Variants in MAST4 observed in about 807,000 individuals in gnomAD.
MAST4 encodes microtubule associated serine/threonine kinase family member 4.
MAST4 carries 89 observed loss-of-function variants against 162.7 expected under a neutral mutation model. That is an observed-to-expected ratio of 0.55 (90% confidence interval 0.46 to 0.65). The LOEUF is 0.65. Among genes scored for constraint, MAST4 ranks in the 30% least tolerant of loss-of-function variants. MAST4 has a pLI of 0.00. For missense variants in MAST4, 3,153 were observed against 3,374.0 expected (o/e 0.93, Z 1.62); for synonymous variants, 1,479 against 1,361.1 (o/e 1.09, Z -1.91).
chr5:66,816,961 T>G (rs1048944995), intron 3 of MAST4, among the ~76,000 whole-genome samples: 1 of 152,182 alleles, frequency 6.6e-6, no homozygotes, highest in African/African-American at 2.4e-5. Context: ...AACTACTGTT[T>G]TGGACTCTGT....
chr5:66,930,859 A>T (rs1742116871), intron 4 of MAST4: 2 of 462,864 alleles, frequency 4.3e-6, no homozygotes, highest in Non-Finnish European at 8.9e-6. Context: ...GCAGAGATGG[A>T]TAGAATTGTT....
chr5:66,977,943 A>T lies in MAST4; in HGVS notation c.675-76461A>T, dbSNP rs73103932. 5.8e-3 allele frequency among the ~76,000 whole-genome samples: 877 copies of T among 152,242 alleles called. 13 individuals carry two copies. The highest frequency in any genetic ancestry group is 0.02 in the African/African-American group (837 of 41,554). On this transcript the variant is annotated intron_variant, in intron 4 of 28. Coordinates refer to ENST00000403625, the MANE Select transcript of MAST4 (RefSeq NM_001164664.2). ...TCATCCTGTCTCCAAAGGCATTTTT[A>T]TTTTTATTCTCTGCTTCTTTGAAGC... is the stretch of plus-strand genomic sequence containing the variant.
At chr5:67,030,456 A>G (rs951848325) in intron 4 of MAST4, among the ~76,000 whole-genome samples, 3 of 152,190 alleles carry the variant, frequency 2.0e-5, no homozygotes, top group Non-Finnish European at 1.5e-5. Context: ...AGAGGTAACC[A>G]TAGCACTGGT....
chr5:66,647,765 C>G (rs1745937076), intron 1 of MAST4, among the ~76,000 whole-genome samples: 1 of 152,080 alleles, frequency 6.6e-6, no homozygotes, highest in South Asian at 2.1e-4. Context: ...CCTCTTTTGC[C>G]ACTGGCAGGC....
At chr5:66,917,314 A>G (rs1192088972) in intron 4 of MAST4, 2 of 339,968 alleles carry the variant, frequency 5.9e-6, no homozygotes, top group Non-Finnish European at 1.1e-5. Flanking sequence ...TTCAGTTTCT[A>G]CAAACTATTA....
chr5:66,855,512 T>C (rs1759615784), intron 3 of MAST4, among the ~76,000 whole-genome samples: 1 of 152,316 alleles, frequency 6.6e-6, no homozygotes, highest in Middle Eastern at 3.4e-3. Context: ...TTGTGTTCTC[T>C]TGAGAACAGA....
chr5:66,756,062 C>A (rs2149604409), intron 1 of MAST4, among the ~76,000 whole-genome samples: 1 of 152,244 alleles, frequency 6.6e-6, no homozygotes, highest in East Asian at 1.9e-4. Flanking sequence ...TGGTTATATA[C>A]CTTTTATCCC....
intron 1 of MAST4, among the ~76,000 whole-genome samples, chr5:66,639,786 T>C (rs898823000): frequency 4.6e-5 from 7 of 152,182 alleles, no homozygotes; most frequent in Non-Finnish European, 1.0e-4. Flanking sequence ...TGAATTTAAA[T>C]CAGTATTATC....
chr5:67,111,329 A>T (rs1766215171), intron 11 of MAST4, among the ~76,000 whole-genome samples: 1 of 152,220 alleles, frequency 6.6e-6, no homozygotes, highest in Non-Finnish European at 1.5e-5. Flanking sequence ...CCTTATTTTA[A>T]CTACCATCCA....
intron 2 of MAST4, among the ~76,000 whole-genome samples, chr5:66,773,937 G>C (rs1030831241): frequency 6.6e-6 from 1 of 152,216 alleles, no homozygotes; most frequent in Admixed American, 6.5e-5. Flanking sequence ...TTTTGCATAA[G>C]GTTGTGCAGC....
Position 66,596,697 on chromosome 5 carries a change from C to T in MAST4, c.42C>T (p.Arg14=). 6.8e-7 allele frequency: 1 copy of T among 1,470,426 alleles called. No homozygotes were observed. The highest frequency in any genetic ancestry group is 9.0e-7 in the Non-Finnish European group (1 of 1,112,228). The allele number at this position is 1,470,426 out of a possible 1,614,324, so 91.1% of individuals were successfully genotyped here. Reference sequence around the variant, plus strand: ...CGGAGGCGCCAGAGCCGGTGCCCCGCGGCTGCAGTGGCCACGGCAGCCGGA... The same window carrying T: ...CGGAGGCGCCAGAGCCGGTGCCCCGTGGCTGCAGTGGCCACGGCAGCCGGA... ...KVSEAPEPVP[R]GCSGHGSRTP... is the part of the protein sequence containing the mutation. Residue 14 remains arginine, a synonymous_variant, in exon 1 of 29, where the codon CGC becomes CGT. Transcript: ENST00000403625.
chr5:67,098,851 G>C (rs1764723060), intron 7 of MAST4, among the ~76,000 whole-genome samples: 1 of 152,112 alleles, frequency 6.6e-6, no homozygotes, highest in Admixed American at 6.6e-5. Flanking sequence ...TAACAGACCA[G>C]CAACAGTGGG....
At chr5:66,779,727 G>T (rs1283751858) in intron 2 of MAST4, among the ~76,000 whole-genome samples, 1 of 152,190 alleles carries the variant, frequency 6.6e-6, no homozygotes, top group African/African-American at 2.4e-5. Flanking sequence ...GTTTAGGAGT[G>T]AGCAATGGGG....
At chr5:67,064,353 A>C (rs1299220568) in intron 5 of MAST4, among the ~76,000 whole-genome samples, 2 of 152,184 alleles carry the variant, frequency 1.3e-5, no homozygotes, top group African/African-American at 4.8e-5. Context: ...CAAGTCAGCC[A>C]GCCCTATCAG....
chr5:66,935,813 G>A (rs1742682209), intron 4 of MAST4, among the ~76,000 whole-genome samples: 1 of 151,862 alleles, frequency 6.6e-6, no homozygotes, highest in Non-Finnish European at 1.5e-5. Context: ...GATTACAGAT[G>A]TGTGCCACCA....
intron 10 of MAST4, among the ~76,000 whole-genome samples, chr5:67,108,582 T>A (rs1388119967): frequency 6.6e-6 from 1 of 152,196 alleles, no homozygotes; most frequent in Non-Finnish European, 1.5e-5. Context: ...GTCGTTATAG[T>A]TACTAGTTGG....
chr5:66,648,621 A>G (rs968855991), intron 1 of MAST4, among the ~76,000 whole-genome samples: 1 of 152,168 alleles, frequency 6.6e-6, no homozygotes, highest in East Asian at 1.9e-4. Flanking sequence ...ATTTCATTGC[A>G]GACTAACAAT....
chr5:66,796,537 T>G (rs945629848), intron 3 of MAST4, among the ~76,000 whole-genome samples: 2 of 152,166 alleles, frequency 1.3e-5, no homozygotes, highest in Non-Finnish European at 2.9e-5. Context: ...ACCAGTCAAG[T>G]GTGACTTCCT....
At chr5:66,865,053 A>T (rs1401803719) in intron 3 of MAST4, among the ~76,000 whole-genome samples, 1 of 152,228 alleles carries the variant, frequency 6.6e-6, no homozygotes, top group African/African-American at 2.4e-5. Flanking sequence ...ACTGAGATCA[A>T]GGGTGAGACA....
Sources: gnomAD v4.1 joint callset for allele counts (sites outside exome capture counted in the v4.1 genomes callset) on GRCh38, gnomAD v4.1.1 for gene constraint, MANE v1.5 for transcripts, NCBI Gene and HGNC (gene_info 2026-07-23, HGNC 2026-07-21) for gene names.